Variants in SLCO2A1 observed in about 807,000 individuals in gnomAD.
SLCO2A1 encodes solute carrier organic anion transporter family member 2A1, also known as matrin F/G 1.
In SLCO2A1, 60 loss-of-function variants were observed where a neutral mutation model predicts 71.7. The observed-to-expected ratio is 0.84, with a 90% CI of 0.68 to 1.04. The LOEUF (loss-of-function observed/expected upper bound fraction) is 1.04, where lower values mean the gene tolerates loss of function less well. Among genes scored for constraint, SLCO2A1 ranks in the 50% least tolerant of loss-of-function variants. SLCO2A1 has a pLI of 0.00. For synonymous variants in SLCO2A1, 308 were observed against 326.7 expected, an observed-to-expected ratio of 0.94 and a Z score of 0.62; for missense variants, 745 against 813.4, an observed-to-expected ratio of 0.92 and a Z score of 1.02.
chr3:133,947,467 T>A, intron 8 of SLCO2A1, 22 bp from the exon 9 acceptor site: 6 of 1,583,334 alleles, frequency 3.8e-6, no homozygotes, highest in South Asian at 1.1e-5. Flanking sequence ...AAGAAGGAGG[T>A]GATCCAGGTG....
At chr3:133,936,587 G>A (rs1025850478) in intron 12 of SLCO2A1, among the ~76,000 whole-genome samples, 2 of 152,150 alleles carry the variant, frequency 1.3e-5, no homozygotes, top group African/African-American at 2.4e-5. Context: ...TGTGGGTAGC[G>A]TACCACTAGC....
At chr3:133,961,605 G>A (rs893507614) in intron 3 of SLCO2A1, among the ~76,000 whole-genome samples, 1 of 152,174 alleles carries the variant, frequency 6.6e-6, no homozygotes. Flanking sequence ...TGTTCAGGAG[G>A]TGAAACTTTC....
chr3:133,966,025 T>TA (rs1285427507), intron 3 of SLCO2A1, among the ~76,000 whole-genome samples: 2 of 152,194 alleles, frequency 1.3e-5, no homozygotes, highest in Non-Finnish European at 2.9e-5. Context: ...CAGGCAGCCT[T>TA]ACAGTCCCCA....
At chr3:133,998,492 T>A (rs1252930579) in intron 1 of SLCO2A1, among the ~76,000 whole-genome samples, 1 of 152,126 alleles carries the variant, frequency 6.6e-6, no homozygotes, top group East Asian at 1.9e-4. Context: ...GGCGCTCCTG[T>A]CCACACTGGC....
chr3:134,012,416 G>A (rs899977070), intron 1 of SLCO2A1, among the ~76,000 whole-genome samples: 1 of 152,056 alleles, frequency 6.6e-6, no homozygotes, highest in Non-Finnish European at 1.5e-5. Context: ...CAATGTTCTG[G>A]GTCTGCCTTG....
chr3:134,005,462 T>C (rs1200689418), intron 1 of SLCO2A1, among the ~76,000 whole-genome samples: 1 of 150,268 alleles, frequency 6.7e-6, no homozygotes, highest in Non-Finnish European at 1.5e-5. Flanking sequence ...TAATGAGTAG[T>C]CCATTTTCAT....
At chr3:134,007,168 C>T (rs569233065) in intron 1 of SLCO2A1, among the ~76,000 whole-genome samples, 8 of 152,148 alleles carry the variant, frequency 5.3e-5, no homozygotes, top group African/African-American at 9.6e-5. Context: ...TTTTTAAATT[C>T]GGTTTGTTGT....
At chr3:134,006,394 C>A (rs564220878) in intron 1 of SLCO2A1, among the ~76,000 whole-genome samples, 3 of 152,110 alleles carry the variant, frequency 2.0e-5, no homozygotes, top group African/African-American at 7.2e-5. Context: ...ACGTGTTGCG[C>A]GACCATCACC....
rs1173112298 is a variant in SLCO2A1 at position 133,948,937 on chromosome 3, A to G, written c.896T>C (p.Leu299Ser). The G allele has an allele frequency of 6.2e-7, 1 of 1,614,016 alleles. No individual in the cohort carries two copies. The highest frequency in any genetic ancestry group is 1.3e-5 in the African/African-American group (1 of 74,930). The part of the protein sequence containing the change: ...APATADEARK[L>S]EEAKSRGSLV... ...GGAGCCTCTTGACTTGGCCTCCTCCAACTTCCTTGCTTCATCTGCTGTGGC... is the reference window on the plus strand; with the variant it reads ...GGAGCCTCTTGACTTGGCCTCCTCCGACTTCCTTGCTTCATCTGCTGTGGC... The change falls in exon 7 of 14, where the codon TTG becomes TCG. Residue 299 changes from leucine to serine, a missense_variant. Physicochemically the swap from Leu to Ser is moderately radical, Grantham distance 145. Transcript: ENST00000310926.
intron 1 of SLCO2A1, among the ~76,000 whole-genome samples, chr3:133,995,404 G>C (rs775446665): frequency 6.6e-6 from 1 of 152,134 alleles, no homozygotes; most frequent in Non-Finnish European, 1.5e-5. Flanking sequence ...TCCGTACCAA[G>C]CTACTTACAT....
Position 133,933,490 on chromosome 3 carries a change from T to C in SLCO2A1, c.*1223A>G, listed in dbSNP as rs1257739871. 3 of 152,262 alleles carry C rather than the reference T, an allele frequency of 2.0e-5. No individual in the cohort carries two copies. Among genetic ancestry groups the C allele is most frequent in the East Asian group, 1.9e-4 (1 of 5,200 alleles). The allele number at this position is 152,262 out of a possible 1,614,324, so 9.4% of individuals were successfully genotyped here. A position where few individuals can be genotyped will look rare whatever the true frequency, so the allele number is the denominator to read the frequency against. On this transcript the variant is annotated 3_prime_UTR_variant, in exon 14 of 14. Transcript: ENST00000310926. ...GGTCTCCAATAAATATATTTGTTGA[T>C]GAATGACCTCCTTCGTTGGCTTCTG...
intron 1 of SLCO2A1, among the ~76,000 whole-genome samples, chr3:134,018,432 G>T (rs916251356): frequency 6.6e-6 from 1 of 152,190 alleles, no homozygotes; most frequent in African/African-American, 2.4e-5. Context: ...GATGGACATA[G>T]GCCAAGACAA....
chr3:134,012,766 T>C (rs930059835), intron 1 of SLCO2A1, among the ~76,000 whole-genome samples: 1 of 152,184 alleles, frequency 6.6e-6, no homozygotes, highest in African/African-American at 2.4e-5. Flanking sequence ...GCCTGCTCTC[T>C]GGGAGCCCCC....
At chr3:134,011,076 C>T (rs1021464664) in intron 1 of SLCO2A1, among the ~76,000 whole-genome samples, 2 of 152,106 alleles carry the variant, frequency 1.3e-5, no homozygotes, top group African/African-American at 4.8e-5. Flanking sequence ...GAGATGGAGT[C>T]TCGCTCTGCT....
At chr3:134,017,594 T>A (rs902549515) in intron 1 of SLCO2A1, among the ~76,000 whole-genome samples, 3 of 152,218 alleles carry the variant, frequency 2.0e-5, no homozygotes, top group African/African-American at 4.8e-5. Context: ...GATGGGCTCA[T>A]TTGCCCTGGG....
chr3:133,974,841 A>G (rs1161597676), intron 2 of SLCO2A1, among the ~76,000 whole-genome samples: 2 of 152,070 alleles, frequency 1.3e-5, no homozygotes, highest in Non-Finnish European at 2.9e-5. Flanking sequence ...GCCTTGTTAC[A>G]CCCCACTTTC....
At chr3:133,966,450 G>A (rs916464717) in intron 3 of SLCO2A1, among the ~76,000 whole-genome samples, 6 of 152,166 alleles carry the variant, frequency 3.9e-5, no homozygotes, top group African/African-American at 1.4e-4. Flanking sequence ...AGGGGAGTAT[G>A]GAGTCCCCTG....
At chr3:134,022,420 A>T (rs1470941509) in intron 1 of SLCO2A1, among the ~76,000 whole-genome samples, 1 of 150,582 alleles carries the variant, frequency 6.6e-6, no homozygotes, top group Non-Finnish European at 1.5e-5. Flanking sequence ...TTAAAAAGTT[A>T]AAAAAAATTA....
At chr3:133,939,518 C>G (rs1933361521) in intron 11 of SLCO2A1, among the ~76,000 whole-genome samples, 1 of 152,226 alleles carries the variant, frequency 6.6e-6, no homozygotes, top group South Asian at 2.1e-4. Context: ...TCACCACCAC[C>G]ATCACAGTTC....
Sources: gnomAD v4.1 joint callset for allele counts (sites outside exome capture counted in the v4.1 genomes callset) on GRCh38, gnomAD v4.1.1 for gene constraint, MANE v1.5 for transcripts, NCBI Gene and HGNC (gene_info 2026-07-23, HGNC 2026-07-21) for gene names.